GNB1: variants seen among roughly 807,000 people sequenced by gnomAD.
GNB1 encodes the protein G protein subunit beta 1, also known as guanine nucleotide-binding protein G(I)/G(S)/G(T) subunit beta-1.
Under a neutral mutation model 42.9 loss-of-function variants are expected in GNB1, and 2 were observed. The ratio of observed to expected loss-of-function variants is 0.05; its 90% CI spans 0.02 to 0.15. The LOEUF (loss-of-function observed/expected upper bound fraction) is 0.15, where lower values mean the gene tolerates loss of function less well. GNB1 is among the 10% of genes least tolerant of loss of function. The pLI, the probability that GNB1 is intolerant of heterozygous loss-of-function variation, is 1.00. For synonymous variants in GNB1, 183 were observed against 174.7 expected (o/e 1.05, Z -0.38); for missense variants, 193 against 462.2 (o/e 0.42, Z 5.34).
chr1:1,857,851 G>A (rs540206074), intron 1 of GNB1, among the ~76,000 whole-genome samples: 5 of 152,178 alleles, frequency 3.3e-5, no homozygotes, highest in African/African-American at 1.2e-4. Context: ...GGCACAGTAA[G>A]AAATTAACAA....
intron 1 of GNB1, among the ~76,000 whole-genome samples, chr1:1,870,081 G>A (rs375126605): frequency 1.3e-5 from 2 of 152,082 alleles, no homozygotes; most frequent in South Asian, 2.1e-4. Context: ...GGCTGGTCTC[G>A]ATCTCTTGAC....
At chr1:1,832,157 T>A (rs1024474629) in intron 2 of GNB1, 1 of 152,220 alleles carries the variant, frequency 6.6e-6, no homozygotes, top group Non-Finnish European at 1.5e-5. Context: ...GTCACGTTTT[T>A]CTACTAAACG....
At chr1:1,817,766 G>A in intron 4 of GNB1, 71 bp downstream of exon 4, 2 of 1,069,646 alleles carry the variant, frequency 1.9e-6, no homozygotes, top group Non-Finnish European at 2.9e-6. Flanking sequence ...GCCCTCCCGA[G>A]GCTCCAGGTG....
chr1:1,828,886 TACACACATACAC>T (rs1031011585), intron 2 of GNB1, among the ~76,000 whole-genome samples: 6 of 125,010 alleles, frequency 4.8e-5, no homozygotes, highest in African/African-American at 1.5e-4. Flanking sequence ...CACACACACA[TACACACATACAC>T]ACACACACAC....
At chr1:1,884,575 A>G (rs759996807) in intron 1 of GNB1, among the ~76,000 whole-genome samples, 1 of 152,188 alleles carries the variant, frequency 6.6e-6, no homozygotes, top group Non-Finnish European at 1.5e-5. Flanking sequence ...TAATCAACAT[A>G]GGGAATATAT....
chr1:1,851,177 G>A (rs1268889191), intron 1 of GNB1, among the ~76,000 whole-genome samples: 3 of 152,146 alleles, frequency 2.0e-5, no homozygotes, highest in Non-Finnish European at 4.4e-5. Context: ...TTGGGAGGCC[G>A]AGACGTGTGG....
chr1:1,836,387 CTTTTT>C (rs34812880), intron 2 of GNB1, among the ~76,000 whole-genome samples: 24 of 85,138 alleles, frequency 2.8e-4, no homozygotes, highest in African/African-American at 4.8e-4. Flanking sequence ...CTTAATATTG[CTTTTT>C]TTTTTTTTTT....
At position 1,889,659 on chromosome 1, in the gene GNB1, T is replaced by TAA. The variant is rs35173217; in HGVS notation, c.-96+1159_-96+1160dup. 3.0e-3 allele frequency among the ~76,000 whole-genome samples: 341 copies of TAA among 115,264 alleles called. 2 individuals are homozygous for TAA. The highest frequency in any genetic ancestry group is 4.5e-3 in the African/African-American group (140 of 30,950). The allele number at this position is 115,264 out of a possible 152,430, so 75.6% of individuals were successfully genotyped here. On this transcript the variant is annotated intron_variant, in intron 1 of 11. Transcript: ENST00000378609. ...TCTTTTACAAAGAGATCCCATCTCT[T>TAA]AAAAAAAAAAAAAAAAAAGGCTTCC... is the stretch of plus-strand genomic sequence containing the variant.
chr1:1,816,849 T>C (rs1646864228), intron 4 of GNB1, among the ~76,000 whole-genome samples: 1 of 152,064 alleles, frequency 6.6e-6, no homozygotes, highest in African/African-American at 2.4e-5. Context: ...GGTTTCACCA[T>C]GTTGGTTAGG....
intron 1 of GNB1, among the ~76,000 whole-genome samples, chr1:1,870,711 G>A (rs1041131211): frequency 3.3e-5 from 5 of 152,130 alleles, no homozygotes; most frequent in African/African-American, 1.2e-4. Flanking sequence ...GAGGTGAGTG[G>A]ATTACCTGAG....
chr1:1,850,244 C>T (rs1049204731), intron 1 of GNB1, among the ~76,000 whole-genome samples: 13 of 152,082 alleles, frequency 8.5e-5, no homozygotes, highest in Admixed American at 5.9e-4. Context: ...GATTCTCCTG[C>T]CTCAACCTCT....
intron 3 of GNB1, among the ~76,000 whole-genome samples, chr1:1,819,278 G>A (rs539042796): frequency 6.6e-6 from 1 of 151,142 alleles, no homozygotes; most frequent in East Asian, 1.9e-4. Context: ...CGGGAGTGCT[G>A]TGTCGCGATC....
At chr1:1,858,678 G>C (rs1350057910) in intron 1 of GNB1, among the ~76,000 whole-genome samples, 1 of 152,184 alleles carries the variant, frequency 6.6e-6, no homozygotes, top group Admixed American at 6.5e-5. Context: ...CAGGGACACT[G>C]CAGCCATCTC....
intron 5 of GNB1, among the ~76,000 whole-genome samples, chr1:1,814,375 A>G (rs1442745603): frequency 6.6e-6 from 1 of 152,224 alleles, no homozygotes; most frequent in Non-Finnish European, 1.5e-5. Flanking sequence ...TACACAAATC[A>G]AACAGTACTT....
chr1:1,806,443 T>C (rs750375782), intron 6 of GNB1, 32 bp downstream of exon 6: 60 of 1,442,264 alleles, frequency 4.2e-5, no homozygotes, highest in Non-Finnish European at 5.9e-5. Flanking sequence ...CCTGGGTTGG[T>C]TTTTCAAGGA....
chr1:1,867,549 A>C (rs990586306), intron 1 of GNB1, among the ~76,000 whole-genome samples: 1 of 152,200 alleles, frequency 6.6e-6, no homozygotes, highest in African/African-American at 2.4e-5. Flanking sequence ...TTTATAACTA[A>C]TTTTATAATA....
intron 1 of GNB1, among the ~76,000 whole-genome samples, chr1:1,882,352 T>C (rs1269305253): frequency 1.5e-5 from 2 of 135,540 alleles, no homozygotes; most frequent in Admixed American, 8.3e-5. Flanking sequence ...CGCCTGAACC[T>C]GGGAGGCGGA....
chr1:1,790,377 A>G lies in GNB1; in HGVS notation c.699+18T>C. ...GAGACGGCAGAGGACCCGACCCCAC[A>G]CCTCCACCCAGACTCACGCAAATGG... On this transcript the variant is annotated intron_variant, in intron 9 of 11. Coordinates refer to ENST00000378609, the MANE Select transcript of GNB1 (RefSeq NM_002074.5). This position sits in a 1 kb window ranked among gnomAD's most constrained non-coding sequence, Gnocchi z 5.4. The G allele has an allele frequency of 1.9e-6, 3 of 1,585,436 alleles. No homozygotes were observed. The highest frequency in any genetic ancestry group is 2.6e-6 in the Non-Finnish European group (3 of 1,153,966).
At chr1:1,867,120 AG>A (rs1648987037) in intron 1 of GNB1, among the ~76,000 whole-genome samples, 1 of 152,012 alleles carries the variant, frequency 6.6e-6, no homozygotes, top group Non-Finnish European at 1.5e-5. Flanking sequence ...TACAAAAATT[AG>A]CCAAGCATGG....
Sources: gnomAD v4.1 joint callset for allele counts (sites outside exome capture counted in the v4.1 genomes callset) on GRCh38, gnomAD v4.1.1 for gene constraint, Gnocchi (gnomAD v3.1) non-coding constraint, MANE v1.5 for transcripts, NCBI Gene and HGNC (gene_info 2026-07-23, HGNC 2026-07-21) for gene names.